Variants in ZNF385B observed in about 807,000 individuals in gnomAD.
ZNF385B encodes zinc finger protein 533.
ZNF385B carries 23 observed loss-of-function variants against 39.2 expected under a neutral mutation model. The observed-to-expected ratio is 0.59, with a 90% CI of 0.42 to 0.83. ZNF385B has a LOEUF of 0.83. Among genes scored for constraint, ZNF385B ranks in the 40% least tolerant of loss-of-function variants. ZNF385B has a pLI of 0.00. For missense variants in ZNF385B, 552 were observed against 598.9 expected (o/e 0.92, Z 0.82); for synonymous variants, 205 against 222.6 (o/e 0.92, Z 0.70).
intron 3 of ZNF385B, among the ~76,000 whole-genome samples, chr2:179,589,635 G>A (rs1202430394): frequency 2.0e-5 from 3 of 152,178 alleles, no homozygotes. Context: ...CTGATGCTGA[G>A]CCTAATATGT....
In ZNF385B at chr2:179,553,311, C is replaced by A. The variant is rs543573249; in HGVS notation, c.299-8342G>T. Among the ~76,000 whole-genome samples the A allele has an allele frequency of 4.0e-4, 60 of 148,896 alleles. 2 individuals are homozygous for A. Among genetic ancestry groups the A allele is most frequent in the Admixed American group, 1.3e-3 (20 of 14,984 alleles). On this transcript the variant is annotated intron_variant, in intron 3 of 9. Transcript: ENST00000410066. ...ATATTTATCTAAAAAGAATCTTCCC[C>A]AAATAATAGTATTATTTGATTCAAT...
intron 3 of ZNF385B, among the ~76,000 whole-genome samples, chr2:179,587,955 T>C (rs1253693943): frequency 6.6e-6 from 1 of 152,230 alleles, no homozygotes; most frequent in Non-Finnish European, 1.5e-5. Context: ...GTCTTTCATA[T>C]TCCTTTAGGA....
intron 1 of ZNF385B, among the ~76,000 whole-genome samples, chr2:179,810,720 T>G (rs1277265560): frequency 6.6e-6 from 1 of 152,092 alleles, no homozygotes; most frequent in Non-Finnish European, 1.5e-5. Flanking sequence ...ACTACTGGTG[T>G]AAAAGTCAAT....
intron 6 of ZNF385B, among the ~76,000 whole-genome samples, chr2:179,451,250 T>C (rs79151910): frequency 1.7e-5 from 2 of 116,264 alleles, no homozygotes; most frequent in East Asian, 4.3e-4. Context: ...TAAAGTATAA[T>C]TAAAAAAAAA....
intron 1 of ZNF385B, among the ~76,000 whole-genome samples, chr2:179,789,558 T>C (rs1448320965): frequency 6.6e-6 from 1 of 152,200 alleles, no homozygotes; most frequent in Non-Finnish European, 1.5e-5. Flanking sequence ...TTTTGAATTC[T>C]TGGGATACCA....
chr2:179,532,517 CA>C (rs1395938328), intron 4 of ZNF385B, among the ~76,000 whole-genome samples: 2 of 152,170 alleles, frequency 1.3e-5, no homozygotes, highest in East Asian at 3.9e-4. Context: ...AGGCAAAAAT[CA>C]TTTGTATTTA....
At chr2:179,683,844 G>T (rs1003878098) in intron 3 of ZNF385B, among the ~76,000 whole-genome samples, 1 of 152,098 alleles carries the variant, frequency 6.6e-6, no homozygotes, top group African/African-American at 2.4e-5. Flanking sequence ...TTGTTTGTTT[G>T]TTTTCTAACC....
rs186236230 is a variant in ZNF385B at position 179,491,038 on chromosome 2, T to C, written c.553-7604A>G. The stretch of plus-strand genomic sequence containing the variant: ...AGTTAATCTCAGATGATTAGTTCCT[T>C]AATTCTATGAATGAATACTGTAAAT... On this transcript the variant is annotated intron_variant, in intron 5 of 9. Coordinates refer to ENST00000410066, the MANE Select transcript of ZNF385B (RefSeq NM_152520.6). Among the ~76,000 whole-genome samples the C allele has an allele frequency of 5.3e-3, 810 of 152,324 alleles. 8 individuals are homozygous for C. The highest frequency in any genetic ancestry group is 0.018 in the African/African-American group (769 of 41,570).
chr2:179,660,210 C>T (rs917210352), intron 3 of ZNF385B: 1 of 152,418 alleles, frequency 6.6e-6, no homozygotes, highest in Non-Finnish European at 1.5e-5. Flanking sequence ...TTCACAAACT[C>T]CTCCTTGTAT....
chr2:179,748,402 T>A (rs1014311616), intron 3 of ZNF385B, among the ~76,000 whole-genome samples: 1 of 152,150 alleles, frequency 6.6e-6, no homozygotes, highest in Non-Finnish European at 1.5e-5. Context: ...AAGGAAATTT[T>A]AAAAGGACAC....
chr2:179,662,850 T>C (rs1217876101), intron 3 of ZNF385B, among the ~76,000 whole-genome samples: 1 of 151,768 alleles, frequency 6.6e-6, no homozygotes, highest in African/African-American at 2.4e-5. Flanking sequence ...GATGCATACA[T>C]GGCTCATTTA....
chr2:179,503,084 A>T (rs1433640870), intron 5 of ZNF385B, among the ~76,000 whole-genome samples: 1 of 152,102 alleles, frequency 6.6e-6, no homozygotes, highest in African/African-American at 2.4e-5. Flanking sequence ...CATGTTGCCT[A>T]GGCTGGTCTG....
intron 3 of ZNF385B, among the ~76,000 whole-genome samples, chr2:179,637,607 A>C (rs942052387): frequency 6.6e-6 from 1 of 152,128 alleles, no homozygotes; most frequent in Non-Finnish European, 1.5e-5. Context: ...TTTGGGACTT[A>C]CTATTCATCA....
At position 179,562,054 on chromosome 2, in the gene ZNF385B, A is replaced by G. The variant is rs796288785; in HGVS notation, c.299-17085T>C. 7.9e-5 allele frequency among the ~76,000 whole-genome samples: 12 copies of G among 152,324 alleles called. 1 individual carries two copies. Among genetic ancestry groups the G allele is most frequent in the African/African-American group, 2.9e-4 (12 of 41,586 alleles). On this transcript the variant is annotated intron_variant, in intron 3 of 9. Transcript: ENST00000410066. ...GATAAAAAGGAGAGAGAGTTCTAAC[A>G]TAGTTGAATTGAACATGAATCTCAT... is the stretch of plus-strand genomic sequence containing the variant.
At chr2:179,839,203 C>T (rs768002213) in intron 1 of ZNF385B, among the ~76,000 whole-genome samples, 2 of 152,166 alleles carry the variant, frequency 1.3e-5, no homozygotes, top group Non-Finnish European at 2.9e-5. Context: ...AAACCAGCTA[C>T]AAAAGCTGTA....
chr2:179,623,896 T>G (rs1375671627), intron 3 of ZNF385B, among the ~76,000 whole-genome samples: 6 of 152,194 alleles, frequency 3.9e-5, no homozygotes, highest in Non-Finnish European at 8.8e-5. Flanking sequence ...ATTTTCTTTT[T>G]CAAAAGAGTT....
chr2:179,473,485 C>A (rs1322654456), intron 6 of ZNF385B, among the ~76,000 whole-genome samples: 2 of 152,112 alleles, frequency 1.3e-5, no homozygotes, highest in East Asian at 3.9e-4. Flanking sequence ...GTTCATTAAT[C>A]CTTACAACAA....
intron 3 of ZNF385B, among the ~76,000 whole-genome samples, chr2:179,711,415 G>C (rs1699987901): frequency 6.6e-6 from 1 of 152,162 alleles, no homozygotes. Context: ...TGGCCCCAGG[G>C]AAATAGTGGA....
chr2:179,802,479 G>T (rs1706094540), intron 1 of ZNF385B: 1 of 151,990 alleles, frequency 6.6e-6, no homozygotes, highest in South Asian at 2.1e-4. Flanking sequence ...CCCTTCATTT[G>T]AAGTATCCAA....
Sources: gnomAD v4.1 joint callset for allele counts (sites outside exome capture counted in the v4.1 genomes callset) on GRCh38, gnomAD v4.1.1 for gene constraint, MANE v1.5 for transcripts, NCBI Gene and HGNC (gene_info 2026-07-23, HGNC 2026-07-21) for gene names.